Variants in GSPT1 observed in about 807,000 individuals in gnomAD.
GSPT1 encodes G1 to S phase transition 1.
In GSPT1, 20 loss-of-function variants were observed where a neutral mutation model predicts 72.5. That is an observed-to-expected ratio of 0.28 (90% CI 0.19 to 0.40). The LOEUF (loss-of-function observed/expected upper bound fraction) is 0.40, where lower values mean the gene tolerates loss of function less well. Ranked by LOEUF, GSPT1 falls within the 10% of genes least tolerant of loss-of-function variation. The pLI is 1.00. For synonymous variants in GSPT1, 334 were observed against 293.5 expected, an observed-to-expected ratio of 1.14 and a Z score of -1.41; for missense variants, 580 against 811.9, an observed-to-expected ratio of 0.71 and a Z score of 3.47.
chr16:11,876,282 G>C, intron 12 of GSPT1, 107 bp from the exon 13 acceptor site: 1 of 749,224 alleles, frequency 1.3e-6, no homozygotes, highest in Non-Finnish European at 2.3e-6. Context: ...CATCTCACTA[G>C]GACATCAACT....
chr16:11,892,535 A>AT lies in GSPT1; in HGVS notation c.699-1397_699-1396insA, dbSNP rs1344111621. Among the ~76,000 whole-genome samples the AT allele has an allele frequency of 4.2e-4, 62 of 147,658 alleles. 1 individual carries two copies. The highest frequency in any genetic ancestry group is 3.4e-3 in the Middle Eastern group (1 of 292). Reference sequence around the variant, plus strand: ...AAAACAAAAAAAACAAAAAAAACAAAAAATAAAAAATGGCCGGGCACGGTG... The same window carrying AT: ...AAAACAAAAAAAACAAAAAAAACAAATAAATAAAAAATGGCCGGGCACGGTG... On this transcript the variant is annotated intron_variant, in intron 5 of 14. Coordinates refer to ENST00000434724, the MANE Select transcript of GSPT1 (RefSeq NM_002094.4).
intron 3 of GSPT1, among the ~76,000 whole-genome samples, chr16:11,897,622 G>A (rs1345542587): frequency 6.6e-6 from 1 of 152,130 alleles, no homozygotes; most frequent in Non-Finnish European, 1.5e-5. Context: ...TATTTAAATT[G>A]ACTTGACCAT....
At chr16:11,887,036 T>C in intron 7 of GSPT1, 105 bp from the exon 8 acceptor site, 1 of 938,490 alleles carries the variant, frequency 1.1e-6, no homozygotes, top group Non-Finnish European at 1.6e-6. Flanking sequence ...TTTTTTTTTT[T>C]TTGCAAGAAA....
At chr16:11,878,155 G>T (rs2054070626) in intron 11 of GSPT1, among the ~76,000 whole-genome samples, 1 of 152,088 alleles carries the variant, frequency 6.6e-6, no homozygotes, top group African/African-American at 2.4e-5. Flanking sequence ...TGCTCTTGTT[G>T]CCCAGGCTGG....
chr16:11,891,105 C>G lies in GSPT1; in HGVS notation c.733G>C (p.Glu245Gln). ...LTGMVDKRTL[E>Q]KYEREAKEKN... ...TCTTTAGCTTCTCTTTCATACTTTT[C>G]AAGCGTCCTTTTGTCAACCATTCCA... Residue 245 changes from glutamate to glutamine, a missense_variant, in exon 6 of 15, where the codon GAA becomes CAA. This residue lies in a region of GSPT1 where 51 missense variants were observed against 118.2 expected (regional missense o/e 0.43). Coordinates refer to ENST00000434724, the MANE Select transcript of GSPT1 (RefSeq NM_002094.4). 1 of 1,506,806 alleles carries G rather than the reference C, an allele frequency of 6.6e-7. No individual in the cohort carries two copies. The highest frequency in any genetic ancestry group is 9.0e-7 in the Non-Finnish European group (1 of 1,116,068). The allele number at this position is 1,506,806 out of a possible 1,614,324, so 93.3% of individuals were successfully genotyped here.
intron 1 of GSPT1, among the ~76,000 whole-genome samples, chr16:11,910,101 AAAT>A (rs1030075019): frequency 1.3e-5 from 2 of 152,180 alleles, no homozygotes; most frequent in African/African-American, 2.4e-5. Context: ...CGTCTCTAAA[AAAT>A]AATAAGTAAA....
intron 3 of GSPT1, among the ~76,000 whole-genome samples, chr16:11,897,133 A>C: frequency 6.6e-6 from 1 of 152,244 alleles, no homozygotes; most frequent in East Asian, 1.9e-4. Flanking sequence ...AAAAAAAGGA[A>C]AGTTTAAAAT....
upstream of GSPT1, among the ~76,000 whole-genome samples, chr16:11,916,463 A>C (rs2054638882): frequency 6.6e-6 from 1 of 151,894 alleles, no homozygotes; most frequent in African/African-American, 2.4e-5. Context: ...TCTTTTCACC[A>C]CCTTTCCTGC....
At chr16:11,897,557 C>A (rs2054355738) in intron 3 of GSPT1, among the ~76,000 whole-genome samples, 1 of 152,128 alleles carries the variant, frequency 6.6e-6, no homozygotes, top group South Asian at 2.1e-4. Flanking sequence ...TACACTCCAG[C>A]CTGGGCGACA....
chr16:11,885,341 C>A (rs2054174849), intron 9 of GSPT1, 67 bp from the exon 10 acceptor site: 2 of 742,152 alleles, frequency 2.7e-6, no homozygotes, highest in Admixed American at 2.0e-5. Context: ...AGTTACATGA[C>A]TATAAACAGC....
At position 11,875,926 on chromosome 16, in the gene GSPT1, A is replaced by C; in HGVS notation, c.1696T>G (p.Leu566Val). 1 of 1,610,600 alleles carries C rather than the reference A, an allele frequency of 6.2e-7. No individual in the cohort carries two copies. Among genetic ancestry groups the C allele is most frequent in the Non-Finnish European group, 8.5e-7 (1 of 1,178,586 alleles). ...TCIEEVEITA[L>V]ICLVDKKSGE... ...GATTTTTTGTCTACCAAGCAGATTAAGGCCTAACCAAGAAAAGAGTATGAG... is the reference window on the plus strand; with the variant it reads ...GATTTTTTGTCTACCAAGCAGATTACGGCCTAACCAAGAAAAGAGTATGAG... The change falls in exon 14 of 15, where the codon TTA (leucine) becomes GTA (valine). Residue 566 changes from leucine (L) to valine (V), a missense_variant. Physicochemically the swap from Leu to Val is conservative, Grantham distance 32. Transcript: ENST00000434724.
intron 7 of GSPT1, 64 bp from the exon 8 acceptor site, chr16:11,886,995 C>A: frequency 1.6e-4 from 156 of 973,234 alleles, no homozygotes; most frequent in Middle Eastern, 2.3e-4. Context: ...GGCAGTAAAA[C>A]ATCTTTCCTT....
Position 11,869,278 on chromosome 16 carries a change from A to G in GSPT1, c.*3841T>C, listed in dbSNP as rs2053952190. 6.6e-6 allele frequency: 1 copy of G among 152,274 alleles called. No individual in the cohort carries two copies. The highest frequency in any genetic ancestry group is 2.4e-5 in the African/African-American group (1 of 41,468). The allele number at this position is 152,274 out of a possible 1,614,324, so 9.4% of individuals were successfully genotyped here. ...GTAAAGCTAGTTAAGTCTTTTGTGC[A>G]TGTGCAATTACACTTACTTAACAAG... On this transcript the variant is annotated 3_prime_UTR_variant, in exon 15 of 15. Transcript: ENST00000434724.
chr16:11,876,827 C>T lies in GSPT1; in HGVS notation c.1602+580G>A, dbSNP rs117156205. Among the ~76,000 whole-genome samples the T allele has an allele frequency of 1.1e-3, 168 of 152,280 alleles. 1 individual carries two copies. Among genetic ancestry groups the T allele is most frequent in the South Asian group, 1.7e-3 (8 of 4,824 alleles). On this transcript the variant is annotated intron_variant, in intron 12 of 14. Coordinates refer to ENST00000434724, the MANE Select transcript of GSPT1 (RefSeq NM_002094.4). ...CCCAAGGAACTAAGCTAATTTTTACCGCTCAGAAGCTACCTAGATGTAAAC... is the reference window on the plus strand; with the variant it reads ...CCCAAGGAACTAAGCTAATTTTTACTGCTCAGAAGCTACCTAGATGTAAAC...
intron 10 of GSPT1, among the ~76,000 whole-genome samples, chr16:11,883,509 A>C (rs2054148371): frequency 6.7e-6 from 1 of 148,472 alleles, no homozygotes; most frequent in Non-Finnish European, 1.5e-5. Context: ...AATCCCAGCT[A>C]CTCCAGAGGC....
At chr16:11,903,505 ACT>A (rs536773231) in intron 1 of GSPT1, among the ~76,000 whole-genome samples, 16 of 152,016 alleles carry the variant, frequency 1.1e-4, no homozygotes, top group African/African-American at 3.6e-4. Context: ...TAACAGTGAG[ACT>A]CTGTCTCAAA....
At position 11,877,179 on chromosome 16, in the gene GSPT1, T is replaced by G. The variant is rs2054059378; in HGVS notation, c.1602+228A>C. On this transcript the variant is annotated intron_variant, in intron 12 of 14. Transcript: ENST00000434724. The surrounding 1 kb of genome is among the most constrained non-coding windows in gnomAD (Gnocchi z 4.0). Reference sequence around the variant, plus strand: ...CAGGAGATCAAACATAAAAAGGAACTTACAAAGAATACTCCTTATCCAGTA... The same window carrying G: ...CAGGAGATCAAACATAAAAAGGAACGTACAAAGAATACTCCTTATCCAGTA... Among the ~76,000 whole-genome samples, 1 of 152,202 alleles carries G rather than the reference T, an allele frequency of 6.6e-6. No individual in the cohort carries two copies. The highest frequency in any genetic ancestry group is 2.4e-5 in the African/African-American group (1 of 41,444).
chr16:11,909,791 G>A (rs2054534140), intron 1 of GSPT1, among the ~76,000 whole-genome samples: 1 of 152,254 alleles, frequency 6.6e-6, no homozygotes, highest in East Asian at 1.9e-4. Context: ...TGGGCGTGGT[G>A]GCGGGCACCT....
chr16:11,873,194 A>T (rs903360162), intron 14 of GSPT1, 23 bp from the exon 15 acceptor site: 21 of 1,277,886 alleles, frequency 1.6e-5, no homozygotes, highest in Non-Finnish European at 2.3e-5. Flanking sequence ...TTTTAAAAAA[A>T]TCTTTCAGTA....
Sources: allele counts gnomAD v4.1 joint callset (sites outside exome capture counted in the v4.1 genomes callset), GRCh38; gene constraint gnomAD v4.1.1; regional missense constraint gnomAD v4.1.1; non-coding constraint Gnocchi (gnomAD v3.1); transcripts MANE v1.5; gene names NCBI Gene and HGNC (gene_info 2026-07-23, HGNC 2026-07-21).